The following IQCH variants were observed in gnomAD, a reference collection of about 807,000 sequenced individuals.
IQCH encodes the protein IQ motif containing H, also known as IQ domain-containing protein H.
IQCH carries 98 observed loss-of-function variants against 117.0 expected under a neutral mutation model. That is an observed-to-expected ratio of 0.84 (90% CI 0.71 to 0.99). The LOEUF is 0.99. IQCH is among the 50% of genes least tolerant of loss of function. The pLI is 0.00. For missense variants in IQCH, 1,102 were observed against 1,243.8 expected, an observed-to-expected ratio of 0.89 and a Z score of 1.72; for synonymous variants, 412 against 448.2, an observed-to-expected ratio of 0.92 and a Z score of 1.02.
intron 16 of IQCH, among the ~76,000 whole-genome samples, chr15:67,434,515 A>T (rs1368603181): frequency 6.6e-6 from 1 of 152,210 alleles, no homozygotes; most frequent in East Asian, 1.9e-4. Flanking sequence ...ATCAACTGAC[A>T]CTTAGGTTGT....
Position 67,279,517 on chromosome 15 carries a change from G to A in IQCH, c.387+5G>A. On this transcript the variant is annotated splice_donor_5th_base_variant and intron_variant, in intron 4 of 20. Transcript: ENST00000335894. ...CCTGTCTTTCCAAGAGCAAAGGTAG[G>A]TATAGAGAAATTCATAGAGACAGAA... 6.5e-7 allele frequency: 1 copy of A among 1,536,070 alleles called. No individual in the cohort carries two copies. Among genetic ancestry groups the A allele is most frequent in the Non-Finnish European group, 8.9e-7 (1 of 1,118,900 alleles).
rs775083091 is a variant in IQCH, at chr15:67,344,121, G to A, written c.567G>A (p.Gln189=). ...LIPPTARITF[Q]NPPITPRAAP... is the part of the protein sequence containing the mutation. The stretch of plus-strand genomic sequence containing the variant: ...CACCAACAGCAAGGATTACCTTTCA[G>A]AATCCACCCATTACACCCAGAGCAG... The change falls in exon 6 of 21, where the codon CAG becomes CAA. Residue 189 remains glutamine, a synonymous_variant. Transcript: ENST00000335894. The A allele has an allele frequency of 6.2e-7, 1 of 1,613,486 alleles. No homozygotes were observed. Among genetic ancestry groups the A allele is most frequent in the South Asian group, 1.1e-5 (1 of 91,058 alleles).
intron 6 of IQCH, among the ~76,000 whole-genome samples, chr15:67,349,340 C>T (rs1340347513): frequency 1.3e-5 from 2 of 152,030 alleles, no homozygotes; most frequent in South Asian, 2.1e-4. Flanking sequence ...ATAGATTGGC[C>T]AGGCACAGTG....
chr15:67,375,642 TTA>T (rs1679598828), intron 10 of IQCH, among the ~76,000 whole-genome samples: 1 of 152,152 alleles, frequency 6.6e-6, no homozygotes, highest in Non-Finnish European at 1.5e-5. Context: ...AAACTGCTAA[TTA>T]TGTAATTTCT....
At chr15:67,354,604 G>GTA (rs1969807146) in intron 6 of IQCH, among the ~76,000 whole-genome samples, 1 of 112,758 alleles carries the variant, frequency 8.9e-6, no homozygotes, top group Non-Finnish European at 2.1e-5. Flanking sequence ...CCTAGCACAT[G>GTA]CAATAAGACA....
intron 16 of IQCH, among the ~76,000 whole-genome samples, chr15:67,435,913 A>T (rs2082126242): frequency 6.6e-6 from 1 of 152,060 alleles, no homozygotes; most frequent in African/African-American, 2.4e-5. Context: ...CCATGTTTTA[A>T]TCAGGTTATC....
rs1269047716 is a variant in IQCH, at chr15:67,395,789, T to A, written c.1905+226T>A. On this transcript the variant is annotated intron_variant, in intron 13 of 20. Transcript: ENST00000335894. This position sits in a 1 kb window ranked among gnomAD's most constrained non-coding sequence, Gnocchi z 4.0. Reference sequence around the variant, plus strand: ...CAGGCTGGAGGGCAGTGGTGTGATCTTGGCTCACTGCAACCTCCACCTCCC... The same window carrying A: ...CAGGCTGGAGGGCAGTGGTGTGATCATGGCTCACTGCAACCTCCACCTCCC... Among the ~76,000 whole-genome samples, 5 of 151,882 alleles carry A rather than the reference T, an allele frequency of 3.3e-5. No individual in the cohort carries two copies. Among genetic ancestry groups the A allele is most frequent in the Admixed American group, 3.3e-4 (5 of 15,224 alleles).
rs187832041 is a variant in IQCH, at chr15:67,261,595, A to G, written c.174+201A>G. 8.5e-5 allele frequency among the ~76,000 whole-genome samples: 13 copies of G among 152,348 alleles called. No homozygotes were observed. The East Asian group carries it at 2.3e-3, about 27-fold the overall frequency. On this transcript the variant is annotated intron_variant, in intron 2 of 20. Coordinates refer to ENST00000335894, the MANE Select transcript of IQCH (RefSeq NM_001031715.3). ...TTCTGTCATATTTCACAAAGAATTT[A>G]AGTAGGTTAAATATAAGATTATGCA...
chr15:67,468,882 T>G (rs1433730389), intron 17 of IQCH, among the ~76,000 whole-genome samples: 18 of 152,228 alleles, frequency 1.2e-4, no homozygotes, highest in Admixed American at 1.2e-3. Flanking sequence ...ACATAAGGAT[T>G]TCAACTATGT....
At chr15:67,288,379 C>G (rs1966639113) in intron 4 of IQCH, among the ~76,000 whole-genome samples, 3 of 152,154 alleles carry the variant, frequency 2.0e-5, no homozygotes, top group Admixed American at 6.6e-5. Flanking sequence ...TTGGGTCTAT[C>G]TTTCTCTTTA....
In IQCH at chr15:67,454,263, G is replaced by A. The variant is rs2082605476; in HGVS notation, c.2506-10864G>A. Among the ~76,000 whole-genome samples the A allele has an allele frequency of 1.3e-5, 2 of 152,292 alleles. No individual in the cohort carries two copies. The highest frequency in any genetic ancestry group is 4.1e-4 in the South Asian group (2 of 4,826). Reference sequence around the variant, plus strand: ...TGCGCCTACTGTCTGGCACTCCCCAGTGAGATGAACCCGGTACCTCAGTTG... The same window carrying A: ...TGCGCCTACTGTCTGGCACTCCCCAATGAGATGAACCCGGTACCTCAGTTG... On this transcript the variant is annotated intron_variant, in intron 16 of 20. Coordinates refer to ENST00000335894, the MANE Select transcript of IQCH (RefSeq NM_001031715.3). This position sits in a 1 kb window ranked among gnomAD's most constrained non-coding sequence, Gnocchi z 5.2.
intron 4 of IQCH, among the ~76,000 whole-genome samples, chr15:67,331,118 T>C (rs1968648174): frequency 6.6e-6 from 1 of 152,104 alleles, no homozygotes; most frequent in Non-Finnish European, 1.5e-5. Context: ...AATGATATGG[T>C]CACTATATGG....
chr15:67,275,804 T>G (rs1966098083), intron 3 of IQCH, among the ~76,000 whole-genome samples: 1 of 152,152 alleles, frequency 6.6e-6, no homozygotes, highest in Non-Finnish European at 1.5e-5. Context: ...CACCTAAGCC[T>G]AGGATATTGA....
intron 10 of IQCH, among the ~76,000 whole-genome samples, chr15:67,379,895 C>G (rs1351362438): frequency 6.6e-6 from 1 of 152,066 alleles, no homozygotes; most frequent in Non-Finnish European, 1.5e-5. Context: ...TCTTGTTGCC[C>G]AGGCTGGAGT....
In IQCH at chr15:67,427,297, C is replaced by T. The variant is rs1403811186; in HGVS notation, c.2505+5720C>T. 6.6e-6 allele frequency among the ~76,000 whole-genome samples: 1 copy of T among 152,162 alleles called. No homozygotes were observed. The highest frequency in any genetic ancestry group is 2.4e-5 in the African/African-American group (1 of 41,426). ...CCCTCCATGCCTCATGTGCTTGGAT[C>T]CCAATCCTGTCATTTGTGTTTTATT... On this transcript the variant is annotated intron_variant, in intron 16 of 20. Coordinates refer to ENST00000335894, the MANE Select transcript of IQCH (RefSeq NM_001031715.3). The surrounding 1 kb of genome is among the most constrained non-coding windows in gnomAD (Gnocchi z 4.7).
chr15:67,371,941 A>G (rs986617233), intron 8 of IQCH, among the ~76,000 whole-genome samples, 170 bp from the exon 9 acceptor site: 7 of 152,176 alleles, frequency 4.6e-5, no homozygotes, highest in African/African-American at 1.7e-4. Flanking sequence ...AGTTTTAATG[A>G]TATATACTAG....
At chr15:67,435,953 T>C (rs995058790) in intron 16 of IQCH, among the ~76,000 whole-genome samples, 1 of 152,080 alleles carries the variant, frequency 6.6e-6, no homozygotes, top group African/African-American at 2.4e-5. Flanking sequence ...GTTGTAAGAG[T>C]TCTGCAAAAT....
At position 67,442,614 on chromosome 15, in the gene IQCH, A is replaced by G. The variant is rs533531928; in HGVS notation, c.2505+21037A>G. Among the ~76,000 whole-genome samples the G allele has an allele frequency of 1.4e-4, 22 of 152,244 alleles. No individual in the cohort carries two copies. In the East Asian group the frequency reaches 2.5e-3, roughly 17 times the overall value. Reference sequence around the variant, plus strand: ...AACTAGTACAGCCACTATGGAAGACAGTGTGGAGATTCCTTAAAGAACTAA... The same window carrying G: ...AACTAGTACAGCCACTATGGAAGACGGTGTGGAGATTCCTTAAAGAACTAA... On this transcript the variant is annotated intron_variant, in intron 16 of 20. Transcript: ENST00000335894.
At chr15:67,442,432 T>C (rs1332767317) in intron 16 of IQCH, among the ~76,000 whole-genome samples, 1 of 151,112 alleles carries the variant, frequency 6.6e-6, no homozygotes, top group African/African-American at 2.4e-5. Context: ...GAAAAAATGC[T>C]CAACATCACT....
Sources: allele counts gnomAD v4.1 joint callset (sites outside exome capture counted in the v4.1 genomes callset), GRCh38; gene constraint gnomAD v4.1.1; non-coding constraint Gnocchi (gnomAD v3.1); transcripts MANE v1.5; gene names NCBI Gene and HGNC (gene_info 2026-07-23, HGNC 2026-07-21).